Variants in GXYLT1 observed in about 807,000 individuals in gnomAD.
GXYLT1 encodes the protein glucoside xylosyltransferase 1, also known as glycosyltransferase 8 domain containing 3.
In GXYLT1, 29 loss-of-function variants were observed where a neutral mutation model predicts 54.0. The observed-to-expected ratio is 0.54, with a 90% confidence interval of 0.40 to 0.73. The LOEUF is 0.73. Among genes scored for constraint, GXYLT1 ranks in the 30% least tolerant of loss-of-function variants. The pLI is 0.00. For missense variants in GXYLT1, 490 were observed against 553.4 expected, an observed-to-expected ratio of 0.89 and a Z score of 1.15; for synonymous variants, 176 against 204.1, an observed-to-expected ratio of 0.86 and a Z score of 1.17.
intron 5 of GXYLT1, 119 bp downstream of exon 5, chr12:42,105,699 A>G (rs1367805664): frequency 3.0e-6 from 2 of 671,946 alleles, no homozygotes; most frequent in African/African-American, 3.6e-5. Context: ...TAATGAGATT[A>G]TTCTAAATAG....
intron 1 of GXYLT1, among the ~76,000 whole-genome samples, chr12:42,137,465 G>A (rs190583505): frequency 1.6e-5 from 2 of 127,722 alleles, no homozygotes; most frequent in East Asian, 2.5e-4. Flanking sequence ...CTGAGATCGC[G>A]TCATTGCACT....
At chr12:42,108,316 C>T (rs999282390) in intron 4 of GXYLT1, among the ~76,000 whole-genome samples, 2 of 152,142 alleles carry the variant, frequency 1.3e-5, no homozygotes, top group African/African-American at 4.8e-5. Context: ...ATCTTTCTTT[C>T]ATCTCTTATT....
intron 7 of GXYLT1, among the ~76,000 whole-genome samples, chr12:42,089,625 CCAGGATTCCGTCCCAA>C (rs1226534551): frequency 6.6e-6 from 1 of 152,076 alleles, no homozygotes; most frequent in Non-Finnish European, 1.5e-5. Flanking sequence ...AGTGGTTAAG[CCAGGATTCCGTCCCAA>C]CAGTCTAGCT....
rs190266334 is a variant in GXYLT1 at position 42,113,390 on chromosome 12, T to C, written c.487-3699A>G. On this transcript the variant is annotated intron_variant, in intron 3 of 7. Transcript: ENST00000398675. Reference sequence around the variant, plus strand: ...GTGTGCTGTATTCAGGAAACCCATCTCACGGGCAGAGACACACATAGGCTC... The same window carrying C: ...GTGTGCTGTATTCAGGAAACCCATCCCACGGGCAGAGACACACATAGGCTC... 6.8e-3 allele frequency among the ~76,000 whole-genome samples: 1,022 copies of C among 150,958 alleles called. 13 individuals are homozygous for C. The highest frequency in any genetic ancestry group is 0.034 in the Middle Eastern group (10 of 294).
intron 3 of GXYLT1, among the ~76,000 whole-genome samples, chr12:42,117,663 G>A (rs2065505052): frequency 1.3e-5 from 2 of 152,170 alleles, no homozygotes; most frequent in African/African-American, 4.8e-5. Flanking sequence ...ATGATCATTA[G>A]CATCACCTTT....
At chr12:42,105,753 T>C in intron 5 of GXYLT1, 65 bp downstream of exon 5, 1 of 1,351,700 alleles carries the variant, frequency 7.4e-7, no homozygotes. Context: ...AAAATTTAGT[T>C]TTATTAAAAA....
At chr12:42,090,496 GTACAGTTAATCGTTCCC>G (rs879453090) in intron 7 of GXYLT1, among the ~76,000 whole-genome samples, 1 of 152,180 alleles carries the variant, frequency 6.6e-6, no homozygotes, top group Non-Finnish European at 1.5e-5. Flanking sequence ...GCCTTTCCAT[GTACAGTTAATCGTTCCC>G]TCTTTTCAGT....
chr12:42,114,531 A>T (rs1211078784), intron 3 of GXYLT1, among the ~76,000 whole-genome samples: 1 of 152,232 alleles, frequency 6.6e-6, no homozygotes, highest in Non-Finnish European at 1.5e-5. Flanking sequence ...AAAATCTAGA[A>T]GAAATGGATA....
chr12:42,110,490 T>A (rs1393714598), intron 3 of GXYLT1, among the ~76,000 whole-genome samples: 1 of 152,228 alleles, frequency 6.6e-6, no homozygotes, highest in African/African-American at 2.4e-5. Flanking sequence ...TCTTCCAATA[T>A]AGTTTAAGGG....
Position 42,129,740 on chromosome 12 carries a change from T to C in GXYLT1, c.314+19A>G, listed in dbSNP as rs1345467456. The C allele has an allele frequency of 1.3e-6, 2 of 1,526,142 alleles. No homozygotes were observed. The highest frequency in any genetic ancestry group is 2.7e-5 in the African/African-American group (2 of 73,032). 94.5% of individuals were successfully genotyped at this position (1,526,142 alleles called of 1,614,324 possible). On this transcript the variant is annotated intron_variant, in intron 2 of 7. Coordinates refer to ENST00000398675, the MANE Select transcript of GXYLT1 (RefSeq NM_173601.2). ...AACCTTATCTACACTGATCTACCAA[T>C]TAAATATTAAGTGCCTACCTAAAAG...
chr12:42,139,894 GA>G (rs1001354440), intron 1 of GXYLT1, among the ~76,000 whole-genome samples: 2 of 152,036 alleles, frequency 1.3e-5, no homozygotes, highest in African/African-American at 4.8e-5. Context: ...AAAAAGGGGG[GA>G]AAAGGGCTGG....
rs904440256 is a variant in GXYLT1, at chr12:42,105,828, T to C, written c.854A>G (p.Lys285Arg). 6.2e-7 allele frequency: 1 copy of C among 1,611,522 alleles called. No individual in the cohort carries two copies. Residue 285 changes from lysine (K) to arginine (R), a missense_variant, in exon 5 of 8, where the codon AAG becomes AGG. Physicochemically the swap from Lys to Arg is conservative, Grantham distance 26. This residue lies in a region of GXYLT1 where 342 missense variants were observed against 342.6 expected (regional missense o/e 1.00). Transcript: ENST00000398675. ...GTATTAGTGACTTACCTTGAAATAC[T>C]TCCTTCTCATTCGAGTCATGTTCAT... Reference protein sequence around the residue: ...MLMNMTRMRRKYFKNDMTTVR... With the variant: ...MLMNMTRMRRRYFKNDMTTVR...
At position 42,140,941 on chromosome 12, in the gene GXYLT1, T is replaced by C. The variant is rs77996040; in HGVS notation, c.221+3485A>G. Among the ~76,000 whole-genome samples the C allele has an allele frequency of 6.5e-3, 995 of 152,348 alleles. 42 individuals carry two copies. In the East Asian group the frequency reaches 0.089, roughly 14 times the overall value. ...GCAACAAAGTGGTATGAATTAGTGA[T>C]GTCCGGTAATAACTACTGCTTTCTG... On this transcript the variant is annotated intron_variant, in intron 1 of 7. Coordinates refer to ENST00000398675, the MANE Select transcript of GXYLT1 (RefSeq NM_173601.2).
At chr12:42,111,806 A>C (rs889134961) in intron 3 of GXYLT1, among the ~76,000 whole-genome samples, 26 of 152,332 alleles carry the variant, frequency 1.7e-4, no homozygotes, top group African/African-American at 6.0e-4. Flanking sequence ...CCCAGCACGC[A>C]GCTTCAGATG....
chr12:42,140,805 C>A (rs917154425), intron 1 of GXYLT1, among the ~76,000 whole-genome samples: 7 of 152,186 alleles, frequency 4.6e-5, no homozygotes, highest in African/African-American at 1.4e-4. Context: ...TTAGTAATTT[C>A]TTGATTCCCC....
rs1252128214 is a variant in GXYLT1 at position 42,144,788 on chromosome 12, C to T, written c.-142G>A. ...CCGCCGCCTTGCGCCCGCTCCCTTCCTTCCCTCCCCGCCCACCACCTAGGC... is the reference window on the plus strand; with the variant it reads ...CCGCCGCCTTGCGCCCGCTCCCTTCTTTCCCTCCCCGCCCACCACCTAGGC... On this transcript the variant is annotated 5_prime_UTR_variant, in exon 1 of 8. Transcript: ENST00000398675. 5.8e-6 allele frequency: 3 copies of T among 516,908 alleles called. No homozygotes were observed. Among genetic ancestry groups the T allele is most frequent in the African/African-American group, 4.0e-5 (2 of 49,682 alleles). The allele number at this position is 516,908 out of a possible 1,614,324, so 32.0% of individuals were successfully genotyped here. A position where few individuals can be genotyped will look rare whatever the true frequency, so the allele number is the denominator to read the frequency against.
intron 3 of GXYLT1, among the ~76,000 whole-genome samples, chr12:42,112,041 C>T (rs944825356): frequency 2.0e-5 from 3 of 152,118 alleles, no homozygotes; most frequent in African/African-American, 7.2e-5. Context: ...TGGAGTGGAC[C>T]TCTAGCAAAC....
chr12:42,136,359 A>T (rs1427920540), intron 1 of GXYLT1, among the ~76,000 whole-genome samples: 1 of 152,248 alleles, frequency 6.6e-6, no homozygotes, highest in Non-Finnish European at 1.5e-5. Flanking sequence ...AATATTAAAC[A>T]TCCAACATTC....
At chr12:42,107,974 A>G (rs990419199) in intron 4 of GXYLT1, among the ~76,000 whole-genome samples, 1 of 152,200 alleles carries the variant, frequency 6.6e-6, no homozygotes, top group South Asian at 2.1e-4. Flanking sequence ...CACAGTTTAC[A>G]TTAGTTCTTT....
Sources: gnomAD v4.1 joint callset for allele counts (sites outside exome capture counted in the v4.1 genomes callset) on GRCh38, gnomAD v4.1.1 for gene constraint, gnomAD v4.1.1 regional missense constraint, MANE v1.5 for transcripts, NCBI Gene and HGNC (gene_info 2026-07-23, HGNC 2026-07-21) for gene names.